The following RGS20 variants were observed in gnomAD, a reference collection of about 807,000 sequenced individuals.
RGS20 encodes gz-selective GTPase-activating protein.
In RGS20, 30 loss-of-function variants were observed where a neutral mutation model predicts 33.6. The observed-to-expected ratio is 0.89, with a 90% CI of 0.67 to 1.21. The LOEUF (loss-of-function observed/expected upper bound fraction) is 1.21. Among genes scored for constraint, RGS20 ranks in the 50% most tolerant of loss-of-function variants. RGS20 has a pLI of 0.00. For missense variants in RGS20, 472 were observed against 502.4 expected (o/e 0.94, Z 0.58); for synonymous variants, 208 against 197.9 (o/e 1.05, Z -0.43).
chr8:53,902,270 G>C (rs753724900), intron 2 of RGS20, among the ~76,000 whole-genome samples: 3 of 152,176 alleles, frequency 2.0e-5, no homozygotes, highest in Non-Finnish European at 2.9e-5. Flanking sequence ...AAAGTGCTGG[G>C]ATTACAGGCA....
At position 53,923,708 on chromosome 8, in the gene RGS20, A is replaced by G. The variant is rs77315506; in HGVS notation, c.511-15868A>G. Among the ~76,000 whole-genome samples the G allele has an allele frequency of 2.4e-4, 36 of 152,308 alleles. 1 individual carries two copies. In the East Asian group the frequency reaches 4.6e-3, roughly 20 times the overall value. On this transcript the variant is annotated intron_variant, in intron 2 of 5. Coordinates refer to ENST00000297313, the MANE Select transcript of RGS20 (RefSeq NM_170587.4). ...ACGTCCCTCACGTAGCCATTCGGGA[A>G]CCAAACTGCAGATGATGCGCTGCGT... is the stretch of plus-strand genomic sequence containing the variant.
intron 2 of RGS20, among the ~76,000 whole-genome samples, chr8:53,889,433 TTTTTTTTTTTTTTTTTTTG>T: frequency 8.2e-6 from 1 of 122,210 alleles, no homozygotes; most frequent in South Asian, 3.1e-4. Context: ...TTTTTTTTTT[TTTTTTTTTTTTTTTTTTTG>T]AGACAGGGTC....
chr8:53,956,779 T>C (rs887828539), intron 5 of RGS20, among the ~76,000 whole-genome samples: 12 of 152,232 alleles, frequency 7.9e-5, no homozygotes, highest in Non-Finnish European at 1.5e-4. Flanking sequence ...CTTTAATTTA[T>C]GGCTTCCACA....
intron 1 of RGS20, among the ~76,000 whole-genome samples, chr8:53,875,547 T>G (rs1724680076): frequency 6.6e-6 from 1 of 151,906 alleles, no homozygotes; most frequent in African/African-American, 2.4e-5. Flanking sequence ...CCCAGTTATC[T>G]CTGCAGAAGC....
intron 2 of RGS20, among the ~76,000 whole-genome samples, chr8:53,929,382 A>T (rs543528431): frequency 3.2e-4 from 48 of 152,306 alleles, no homozygotes; most frequent in South Asian, 8.3e-4. Context: ...AAATTTTTTT[A>T]AAAATGTATA....
Position 53,881,054 on chromosome 8 carries a change from C to T in RGS20, c.510+1452C>T, listed in dbSNP as rs545998053. 17 of 1,553,638 alleles carry T rather than the reference C, an allele frequency of 1.1e-5. No homozygotes were observed. In the Admixed American group the frequency reaches 2.4e-4, roughly 22 times the overall value. ...ACGGAGGCGAGCCGGCCGGGGCTTC[C>T]TCCCCGGCCGGCAGGGTGGACGGTG... On this transcript the variant is annotated intron_variant, in intron 2 of 5. Transcript: ENST00000297313.
chr8:53,941,155 G>A (rs1814285986), intron 3 of RGS20, among the ~76,000 whole-genome samples: 1 of 152,176 alleles, frequency 6.6e-6, no homozygotes, highest in South Asian at 2.1e-4. Context: ...TCAGGTCCCA[G>A]AGCAGGCTCC....
chr8:53,878,596 T>C (rs950320724), intron 1 of RGS20, among the ~76,000 whole-genome samples: 32 of 152,092 alleles, frequency 2.1e-4, no homozygotes, highest in Non-Finnish European at 2.5e-4. Flanking sequence ...AATCCCGGTG[T>C]CCCCAGCTCC....
chr8:53,948,608 CTATATA>C, intron 4 of RGS20, among the ~76,000 whole-genome samples: 1 of 109,736 alleles, frequency 9.1e-6, no homozygotes, highest in African/African-American at 3.9e-5. Flanking sequence ...TTTACATATG[CTATATA>C]TGATACAGTA....
intron 4 of RGS20, among the ~76,000 whole-genome samples, chr8:53,951,261 G>C (rs1170978192): frequency 6.6e-6 from 1 of 152,132 alleles, no homozygotes; most frequent in East Asian, 1.9e-4. Context: ...AAGGATGGGG[G>C]AAAGCTTGAG....
intron 1 of RGS20, among the ~76,000 whole-genome samples, chr8:53,852,565 TTC>T (rs1811590252): frequency 6.6e-6 from 1 of 152,204 alleles, no homozygotes; most frequent in African/African-American, 2.4e-5. Flanking sequence ...AAGCATGAGT[TTC>T]TATCAGTAGG....
At chr8:53,952,681 G>A (rs56253010) in intron 4 of RGS20, among the ~76,000 whole-genome samples, 48,083 of 150,864 alleles carry the variant, frequency 0.32, 8,592 homozygotes, top group East Asian at 0.72. Flanking sequence ...AGCCGAGATC[G>A]TGCCATTGTA....
intron 2 of RGS20, among the ~76,000 whole-genome samples, chr8:53,895,075 A>C (rs1023205952): frequency 5.9e-5 from 9 of 151,978 alleles, no homozygotes; most frequent in Non-Finnish European, 1.0e-4. Context: ...TCGAGACAAG[A>C]GATGGGGCCG....
intron 1 of RGS20, among the ~76,000 whole-genome samples, chr8:53,858,676 A>G (rs892634484): frequency 7.2e-5 from 11 of 152,032 alleles, no homozygotes; most frequent in African/African-American, 2.4e-4. Flanking sequence ...GAAAAGGGCG[A>G]TGGCACATGA....
At chr8:53,926,385 C>G (rs899838499) in intron 2 of RGS20, among the ~76,000 whole-genome samples, 1 of 152,104 alleles carries the variant, frequency 6.6e-6, no homozygotes, top group Non-Finnish European at 1.5e-5. Context: ...TTTTTGGATT[C>G]TTGGTTCTCC....
intron 1 of RGS20, among the ~76,000 whole-genome samples, chr8:53,871,957 C>G (rs1812079563): frequency 6.6e-6 from 1 of 152,106 alleles, no homozygotes; most frequent in South Asian, 2.1e-4. Flanking sequence ...ACCCTAAGCT[C>G]AAGCCTCTTT....
At chr8:53,894,810 A>C (rs1026063285) in intron 2 of RGS20, among the ~76,000 whole-genome samples, 1 of 152,240 alleles carries the variant, frequency 6.6e-6, no homozygotes, top group Non-Finnish European at 1.5e-5. Flanking sequence ...TAAATGTAAG[A>C]TGTGATACAT....
intron 2 of RGS20, among the ~76,000 whole-genome samples, chr8:53,935,643 CCAGA>C (rs1312682967): frequency 1.3e-5 from 2 of 152,100 alleles, no homozygotes; most frequent in African/African-American, 4.8e-5. Context: ...AGGCCCAGGA[CCAGA>C]CAGATTCACA....
intron 1 of RGS20, among the ~76,000 whole-genome samples, chr8:53,859,603 T>G (rs1353215543): frequency 6.6e-6 from 1 of 152,210 alleles, no homozygotes; most frequent in East Asian, 1.9e-4. Flanking sequence ...AAGATAAAGA[T>G]GTGAATAAAC....
Sources: gnomAD v4.1 joint callset for allele counts (sites outside exome capture counted in the v4.1 genomes callset) on GRCh38, gnomAD v4.1.1 for gene constraint, MANE v1.5 for transcripts, NCBI Gene and HGNC (gene_info 2026-07-23, HGNC 2026-07-21) for gene names.